Variants in OSBPL2 observed in about 807,000 individuals in gnomAD.
OSBPL2 encodes oxysterol binding protein like 2, also known as oxysterol-binding protein-related protein 2.
OSBPL2 carries 18 observed loss-of-function variants against 58.4 expected under a neutral mutation model. That is an observed-to-expected ratio of 0.31 (90% CI 0.21 to 0.46). OSBPL2 has a LOEUF of 0.46. OSBPL2 is among the 20% of genes least tolerant of loss of function. The probability of loss-of-function intolerance (pLI) is 1.00; values close to 1 mark genes in which losing one functional copy is unlikely to be tolerated. For missense variants in OSBPL2, 461 were observed against 616.5 expected (o/e 0.75, Z 2.67); for synonymous variants, 221 against 234.1 (o/e 0.94, Z 0.51).
chr20:62,285,245 CCTAGAAGGGTAA>C (rs1983039618), intron 10 of OSBPL2: 1 of 152,198 alleles, frequency 6.6e-6, no homozygotes, highest in Admixed American at 6.5e-5. Context: ...ACTAGACAGA[CCTAGAAGGGTAA>C]ATCCATTTAG....
chr20:62,261,726 G>T (rs1283030062), intron 3 of OSBPL2, among the ~76,000 whole-genome samples: 1 of 152,084 alleles, frequency 6.6e-6, no homozygotes, highest in Non-Finnish European at 1.5e-5. Context: ...CTGCATCCCT[G>T]CCTTTTATTC....
Position 62,286,607 on chromosome 20 carries a change from A to G in OSBPL2, c.1021A>G (p.Ser341Gly), listed in dbSNP as rs759698256. Residue 341 changes from serine (S) to glycine (G), a missense_variant, in exon 11 of 14, where the codon AGC (serine) becomes GGC (glycine). Physicochemically the swap from Ser to Gly is moderately conservative, Grantham distance 56. Around this residue, in one of 5 missense-constraint regions of OSBPL2, gnomAD observed 319 missense variants for 419.2 expected, o/e 0.76. Coordinates refer to ENST00000313733, the MANE Select transcript of OSBPL2 (RefSeq NM_144498.4). ...KLDEDSGKAD[S>G]DVADDVPVAQ... is the part of the protein sequence containing the mutation. ...GGATGAAGACTCCGGGAAGGCTGAC[A>G]GCGACGTGGCTGACGACGTGCCTGT... 6.2e-7 allele frequency: 1 copy of G among 1,613,562 alleles called. No homozygotes were observed.
Position 62,279,321 on chromosome 20 carries a change from T to C in OSBPL2, c.656T>C (p.Ile219Thr). Residue 219 changes from isoleucine to threonine, a missense_variant, in exon 7 of 14, where the codon ATC becomes ACC. By Grantham distance (89) the Ile-to-Thr change is moderately conservative. This residue lies in a region of OSBPL2 where 319 missense variants were observed against 419.2 expected (regional missense o/e 0.76). Coordinates refer to ENST00000313733, the MANE Select transcript of OSBPL2 (RefSeq NM_144498.4). The part of the protein sequence containing the change: ...KSVEAEPRGT[I>T]TLELLKHNEA... ...GTGGAGGCGGAGCCCCGAGGCACCATCACCCTGGAGCTGCTCAAGTGAGTG... is the reference window on the plus strand; with the variant it reads ...GTGGAGGCGGAGCCCCGAGGCACCACCACCCTGGAGCTGCTCAAGTGAGTG... The C allele has an allele frequency of 6.2e-7, 1 of 1,614,234 alleles. No individual in the cohort carries two copies. The highest frequency in any genetic ancestry group is 8.5e-7 in the Non-Finnish European group (1 of 1,180,044).
intron 1 of OSBPL2, among the ~76,000 whole-genome samples, chr20:62,250,520 C>A (rs1365369274): frequency 1.3e-5 from 2 of 152,200 alleles, no homozygotes; most frequent in African/African-American, 4.8e-5. Context: ...AGTTGTCCAG[C>A]TAAGCTTGTG....
rs763554543 is a variant in OSBPL2, at chr20:62,263,622, G to A, written c.189G>A (p.Ser63=). ...CCCCTTTTGTGCTTCGCAGGACATC[G>A]CTGCCGGCTCCCATGTTCAGCAGAA... The part of the protein sequence containing the change: ...QENGIQKHRT[S]LPAPMFSRSD... The change falls in exon 4 of 14, where the codon TCG becomes TCA. Residue 63 remains serine (S), a synonymous_variant. Transcript: ENST00000313733. 49 of 1,613,946 alleles carry A rather than the reference G, an allele frequency of 3.0e-5. No individual in the cohort carries two copies. The highest frequency in any genetic ancestry group is 4.1e-5 in the Non-Finnish European group (48 of 1,179,956).
chr20:62,263,957 C>G (rs892447367), intron 4 of OSBPL2, among the ~76,000 whole-genome samples: 1 of 150,902 alleles, frequency 6.6e-6, no homozygotes, highest in South Asian at 2.1e-4. Context: ...CCCAGCTACT[C>G]GGGAGGCTGA....
chr20:62,289,171 C>G (rs1212525968), intron 11 of OSBPL2, 36 bp from the exon 12 acceptor site: 2 of 1,611,246 alleles, frequency 1.2e-6, no homozygotes, highest in Non-Finnish European at 8.5e-7. Context: ...GTTCAGAGGC[C>G]CTGCTGAGGT....
intron 10 of OSBPL2, chr20:62,284,403 G>T (rs899794733): frequency 2.2e-5 from 11 of 490,286 alleles, no homozygotes; most frequent in Non-Finnish European, 3.0e-5. Context: ...TCCAGGCAGG[G>T]TCTCCCTCTG....
In OSBPL2 at chr20:62,288,008, A is replaced by T. The variant is rs765330584; in HGVS notation, c.1126-1199A>T. Among the ~76,000 whole-genome samples the T allele has an allele frequency of 9.3e-5, 14 of 151,268 alleles. No individual in the cohort carries two copies. The highest frequency in any genetic ancestry group is 2.1e-4 in the South Asian group (1 of 4,794). ...CCTTGGGTGCCAGGGAGGGCATCTG[A>T]GTGCTGTGGCTTCAGTCATGGGGTA... On this transcript the variant is annotated intron_variant, in intron 11 of 13. Transcript: ENST00000313733. This position sits in a 1 kb window ranked among gnomAD's most constrained non-coding sequence, Gnocchi z 4.8.
intron 1 of OSBPL2, among the ~76,000 whole-genome samples, chr20:62,247,692 A>G (rs1171005284): frequency 2.2e-5 from 3 of 138,820 alleles, no homozygotes; most frequent in East Asian, 4.2e-4. Context: ...TTTGAGCTGG[A>G]GTCTCGCTCT....
Position 62,281,262 on chromosome 20 carries a change from T to G in OSBPL2, c.782+97T>G, listed in dbSNP as rs1292343531. 7 of 848,992 alleles carry G rather than the reference T, an allele frequency of 8.2e-6. No homozygotes were observed. In the Admixed American group the frequency reaches 9.7e-5, roughly 12 times the overall value. 52.6% of individuals were successfully genotyped at this position (848,992 alleles called of 1,614,324 possible). A position where few individuals can be genotyped will look rare whatever the true frequency, so the allele number is the denominator to read the frequency against. On this transcript the variant is annotated intron_variant, in intron 8 of 13. Transcript: ENST00000313733. ...ATCCGTGCTCCTGGTGGGTTTTAGCTCAGCCTCACGAGCTGCTGCCGTGTC... is the reference window on the plus strand; with the variant it reads ...ATCCGTGCTCCTGGTGGGTTTTAGCGCAGCCTCACGAGCTGCTGCCGTGTC...
chr20:62,267,474 G>A, intron 4 of OSBPL2, among the ~76,000 whole-genome samples: 1 of 152,152 alleles, frequency 6.6e-6, no homozygotes, highest in Non-Finnish European at 1.5e-5. Flanking sequence ...TTACTGTTTG[G>A]GGTCTGGCAT....
intron 4 of OSBPL2, among the ~76,000 whole-genome samples, chr20:62,267,868 A>G (rs1228811486): frequency 7.1e-6 from 1 of 140,210 alleles, no homozygotes; most frequent in African/African-American, 2.6e-5. Flanking sequence ...GTATATCTCA[A>G]ATGTCTGCAT....
In OSBPL2 at chr20:62,294,648, G is replaced by C. The variant is rs186207158; in HGVS notation, c.*761G>C. 1 of 152,328 alleles carries C rather than the reference G, an allele frequency of 6.6e-6. No homozygotes were observed. The highest frequency in any genetic ancestry group is 2.1e-4 in the South Asian group (1 of 4,832). 9.4% of individuals were successfully genotyped at this position (152,328 alleles called of 1,614,324 possible). ...ACTGCTTCCGCCTCAGAGGCGTCCCGGCTGCGATTCGCTGCCCTGTTGTCA... is the reference window on the plus strand; with the variant it reads ...ACTGCTTCCGCCTCAGAGGCGTCCCCGCTGCGATTCGCTGCCCTGTTGTCA... On this transcript the variant is annotated 3_prime_UTR_variant, in exon 14 of 14. Coordinates refer to ENST00000313733, the MANE Select transcript of OSBPL2 (RefSeq NM_144498.4).
Position 62,271,207 on chromosome 20 carries a change from G to A in OSBPL2, c.259-918G>A, listed in dbSNP as rs377011333. ...AAGCCCGGTGGGAAGAGTGGCCCCT[G>A]TGGGCACTCGTCCCCTTGGCACCTT... is the stretch of plus-strand genomic sequence containing the variant. On this transcript the variant is annotated intron_variant, in intron 4 of 13. Transcript: ENST00000313733. 3.8e-4 allele frequency among the ~76,000 whole-genome samples: 58 copies of A among 152,052 alleles called. 1 individual carries two copies. In the East Asian group the frequency reaches 9.4e-3, roughly 25 times the overall value.
intron 10 of OSBPL2, chr20:62,285,692 C>G (rs991003080): frequency 6.6e-6 from 1 of 152,556 alleles, no homozygotes; most frequent in East Asian, 1.9e-4. Context: ...TGTCGTCGCA[C>G]TCAGACTCCA....
At chr20:62,268,559 T>C (rs980606071) in intron 4 of OSBPL2, among the ~76,000 whole-genome samples, 4 of 152,220 alleles carry the variant, frequency 2.6e-5, no homozygotes, top group Non-Finnish European at 5.9e-5. Flanking sequence ...TTCAATAGTA[T>C]ATCCATAGCA....
intron 5 of OSBPL2, among the ~76,000 whole-genome samples, chr20:62,272,622 C>T (rs913030960): frequency 6.6e-6 from 1 of 152,116 alleles, no homozygotes; most frequent in Non-Finnish European, 1.5e-5. Context: ...GGGCTGGGCA[C>T]GCACGGTGGC....
intron 11 of OSBPL2, among the ~76,000 whole-genome samples, chr20:62,287,219 T>A (rs1047687118): frequency 7.3e-5 from 9 of 122,852 alleles, no homozygotes; most frequent in Non-Finnish European, 1.5e-4. Flanking sequence ...ACATGTTTTA[T>A]GACAAATAAA....
Sources: allele counts gnomAD v4.1 joint callset (sites outside exome capture counted in the v4.1 genomes callset), GRCh38; gene constraint gnomAD v4.1.1; regional missense constraint gnomAD v4.1.1; non-coding constraint Gnocchi (gnomAD v3.1); transcripts MANE v1.5; gene names NCBI Gene and HGNC (gene_info 2026-07-23, HGNC 2026-07-21).